The following B3GALT1 variants were observed in gnomAD, a reference collection of about 807,000 sequenced individuals.
The protein encoded by B3GALT1 is UDP-Gal:betaGlcNAc beta 1,3-galactosyltransferase, polypeptide 1.
In B3GALT1, 10 loss-of-function variants were observed where a neutral mutation model predicts 23.2. That is an observed-to-expected ratio of 0.43 (90% confidence interval 0.27 to 0.73). B3GALT1 has a LOEUF of 0.73. Among genes scored for constraint, B3GALT1 ranks in the 30% least tolerant of loss-of-function variants. The pLI is 0.21. For synonymous variants in B3GALT1, 156 were observed against 141.5 expected (o/e 1.10, Z -0.73); for missense variants, 299 against 405.4 (o/e 0.74, Z 2.25).
chr2:167,455,410 G>C (rs1699152365), intron 1 of B3GALT1, among the ~76,000 whole-genome samples: 1 of 152,120 alleles, frequency 6.6e-6, no homozygotes, highest in Non-Finnish European at 1.5e-5. Flanking sequence ...TGTTGATTTT[G>C]CTGGACTTTA....
intron 4 of B3GALT1, among the ~76,000 whole-genome samples, chr2:167,835,242 A>G (rs1216345506): frequency 6.6e-6 from 1 of 151,774 alleles, no homozygotes. Context: ...TGCCTCACAC[A>G]GGAAGCGCAA....
intron 1 of B3GALT1, among the ~76,000 whole-genome samples, chr2:167,453,295 A>G (rs2105321226): frequency 6.6e-6 from 1 of 152,116 alleles, no homozygotes; most frequent in Non-Finnish European, 1.5e-5. Flanking sequence ...CTGAGCCCCC[A>G]TTTTCTACAC....
chr2:167,399,526 T>C (rs1178860033), intron 1 of B3GALT1, among the ~76,000 whole-genome samples: 1 of 152,178 alleles, frequency 6.6e-6, no homozygotes, highest in African/African-American at 2.4e-5. Flanking sequence ...TTTAAAGTCA[T>C]GACATGTTAT....
At chr2:167,465,788 T>TA (rs148784138) in intron 1 of B3GALT1, among the ~76,000 whole-genome samples, 17,200 of 152,184 alleles carry the variant, frequency 0.11, 1,144 homozygotes, top group African/African-American at 0.19. Context: ...ATTAAACTGT[T>TA]AAACACAATA....
intron 1 of B3GALT1, among the ~76,000 whole-genome samples, chr2:167,487,521 A>G (rs147038655): frequency 6.6e-6 from 1 of 152,274 alleles, no homozygotes; most frequent in African/African-American, 2.4e-5. Context: ...TATATGGTTC[A>G]TATTTTATTT....
intron 2 of B3GALT1, among the ~76,000 whole-genome samples, chr2:167,564,740 T>C (rs1684120193): frequency 6.6e-6 from 1 of 152,136 alleles, no homozygotes. Context: ...AAATCATGAG[T>C]GAACTCCCAT....
chr2:167,294,567 T>C (rs1419623315), intron 1 of B3GALT1, among the ~76,000 whole-genome samples: 3 of 152,162 alleles, frequency 2.0e-5, no homozygotes, highest in African/African-American at 7.2e-5. Context: ...TGGCGATTGT[T>C]TTCTATGTGG....
rs571853375 is a variant in B3GALT1, at chr2:167,450,156, A to G, written c.-510-40021A>G. On this transcript the variant is annotated intron_variant, in intron 1 of 4. Coordinates refer to ENST00000392690, the MANE Select transcript of B3GALT1 (RefSeq NM_020981.4). Reference sequence around the variant, plus strand: ...CTTTCTATTTTGTGGAATAGTGTCAATAGGATTGGTACCAATTCTTTGAAT... The same window carrying G: ...CTTTCTATTTTGTGGAATAGTGTCAGTAGGATTGGTACCAATTCTTTGAAT... Among the ~76,000 whole-genome samples the G allele has an allele frequency of 7.2e-5, 11 of 152,282 alleles. No homozygotes were observed. In the East Asian group the frequency reaches 9.7e-4, roughly 13 times the overall value.
At chr2:167,385,945 T>G (rs990391019) in intron 1 of B3GALT1, among the ~76,000 whole-genome samples, 14 of 152,184 alleles carry the variant, frequency 9.2e-5, no homozygotes, top group African/African-American at 3.4e-4. Context: ...AAACTTTCAT[T>G]TATATTCCTG....
intron 1 of B3GALT1, among the ~76,000 whole-genome samples, chr2:167,465,543 C>T (rs1459875807): frequency 6.6e-6 from 1 of 152,146 alleles, no homozygotes; most frequent in Non-Finnish European, 1.5e-5. Flanking sequence ...AGCTCCCTTG[C>T]ATCTTGTTAA....
intron 1 of B3GALT1, among the ~76,000 whole-genome samples, chr2:167,457,873 G>A (rs1279178072): frequency 6.6e-6 from 1 of 152,132 alleles, no homozygotes; most frequent in Non-Finnish European, 1.5e-5. Context: ...CTCTTGGGGT[G>A]CTCCCCAACA....
Position 167,585,460 on chromosome 2 carries a change from C to T in B3GALT1, c.-409-61449C>T, listed in dbSNP as rs114882771. Among the ~76,000 whole-genome samples, 1,358 of 152,256 alleles carry T rather than the reference C, an allele frequency of 8.9e-3. 12 individuals carry two copies. The highest frequency in any genetic ancestry group is 0.033 in the South Asian group (160 of 4,818). On this transcript the variant is annotated intron_variant, in intron 2 of 4. Coordinates refer to ENST00000392690, the MANE Select transcript of B3GALT1 (RefSeq NM_020981.4). ...ACAAGAAGATGCTCACAGTCATTAC[C>T]TCATTGGTCATTGGGGAATTACAAA...
intron 2 of B3GALT1, among the ~76,000 whole-genome samples, chr2:167,633,037 C>T (rs1279477199): frequency 6.6e-6 from 1 of 151,876 alleles, no homozygotes; most frequent in Non-Finnish European, 1.5e-5. Context: ...TTCCCAACAC[C>T]ATTTATTAAA....
At chr2:167,799,335 C>A (rs1218062595) in intron 3 of B3GALT1, among the ~76,000 whole-genome samples, 2 of 152,048 alleles carry the variant, frequency 1.3e-5, no homozygotes, top group Non-Finnish European at 2.9e-5. Flanking sequence ...ATATCCTTAG[C>A]CCCCTCCACC....
chr2:167,305,207 G>A (rs1004806210), intron 1 of B3GALT1, among the ~76,000 whole-genome samples: 1 of 152,040 alleles, frequency 6.6e-6, no homozygotes, highest in Non-Finnish European at 1.5e-5. Flanking sequence ...ATACAGACAC[G>A]AAATATTTTC....
intron 4 of B3GALT1, among the ~76,000 whole-genome samples, chr2:167,866,103 A>G (rs1184225773): frequency 1.3e-5 from 2 of 152,186 alleles, no homozygotes; most frequent in East Asian, 3.9e-4. Flanking sequence ...CCTCATCCAG[A>G]TAACTTCTAG....
At position 167,615,599 on chromosome 2, in the gene B3GALT1, A is replaced by G. The variant is rs148997340; in HGVS notation, c.-409-31310A>G. ...ATGAATTTGTCAATTCTATTTATACATGTATCGAAACGTGTTGCATACCAT... is the reference window on the plus strand; with the variant it reads ...ATGAATTTGTCAATTCTATTTATACGTGTATCGAAACGTGTTGCATACCAT... On this transcript the variant is annotated intron_variant, in intron 2 of 4. Coordinates refer to ENST00000392690, the MANE Select transcript of B3GALT1 (RefSeq NM_020981.4). Among the ~76,000 whole-genome samples, 696 of 152,220 alleles carry G rather than the reference A, an allele frequency of 4.6e-3. 12 individuals carry two copies. Among genetic ancestry groups the G allele is most frequent in the Non-Finnish European group, 5.0e-3 (343 of 67,994 alleles).
At chr2:167,703,178 T>G (rs890337397) in intron 3 of B3GALT1, among the ~76,000 whole-genome samples, 1 of 152,206 alleles carries the variant, frequency 6.6e-6, no homozygotes, top group African/African-American at 2.4e-5. Context: ...AAGAAGTAGG[T>G]GTCATTTTCA....
chr2:167,583,571 C>G (rs1684526802), intron 2 of B3GALT1, among the ~76,000 whole-genome samples: 4 of 152,124 alleles, frequency 2.6e-5, no homozygotes, highest in Admixed American at 2.0e-4. Context: ...AGATCAGTAT[C>G]TCAGACTAAT....
Sources: allele counts gnomAD v4.1 joint callset (sites outside exome capture counted in the v4.1 genomes callset), GRCh38; gene constraint gnomAD v4.1.1; transcripts MANE v1.5; gene names NCBI Gene and HGNC (gene_info 2026-07-23, HGNC 2026-07-21).